The following GPAM variants were observed in gnomAD, a reference collection of about 807,000 sequenced individuals.
GPAM encodes the protein glycerol-3-phosphate acyltransferase 1, mitochondrial.
Under a neutral mutation model 105.0 loss-of-function variants are expected in GPAM, and 56 were observed. That is an observed-to-expected ratio of 0.53 (90% confidence interval 0.43 to 0.67). GPAM has a LOEUF of 0.67. Ranked by LOEUF, GPAM falls within the 30% of genes least tolerant of loss-of-function variation. GPAM has a pLI of 0.00. For synonymous variants in GPAM, 368 were observed against 354.4 expected, an observed-to-expected ratio of 1.04 and a Z score of -0.43; for missense variants, 855 against 989.8, an observed-to-expected ratio of 0.86 and a Z score of 1.83.
At chr10:112,187,355 G>C (rs905390967), upstream of GPAM, among the ~76,000 whole-genome samples, 1 of 152,034 alleles carries the variant, frequency 6.6e-6, no homozygotes, top group Admixed American at 6.6e-5. Context: ...ACAAGTAAAA[G>C]TAAAAGGTTA....
In GPAM at chr10:112,158,274, G is replaced by C; in HGVS notation, c.1980+42C>G. On this transcript the variant is annotated intron_variant, in intron 18 of 21. Transcript: ENST00000348367. ...GTTGTAGAAAAGGTAAGGGAATGAA[G>C]AGTAAGTATAAAGACAAATAAAGGA... The C allele has an allele frequency of 2.7e-6, 3 of 1,113,648 alleles. 1 individual carries two copies. The South Asian group carries it at 3.7e-5, about 14-fold the overall frequency. 69.0% of individuals were successfully genotyped at this position (1,113,648 alleles called of 1,614,324 possible). A position where few individuals can be genotyped will look rare whatever the true frequency, so the allele number is the denominator to read the frequency against.
intron 6 of GPAM, among the ~76,000 whole-genome samples, chr10:112,175,331 C>T (rs1589593462): frequency 6.6e-6 from 1 of 152,208 alleles, no homozygotes; most frequent in Non-Finnish European, 1.5e-5. Flanking sequence ...CATCTCTGAA[C>T]TCTTATTTGC....
At chr10:112,222,651 T>C in the GPAM span, among the ~76,000 whole-genome samples, 4 of 152,214 alleles carry the variant, frequency 2.6e-5, no homozygotes, top group African/African-American at 9.6e-5. Flanking sequence ...CACACATTGT[T>C]CCTGATAACT....
At chr10:112,157,512 TCA>T in intron 18 of GPAM, 123 bp from the exon 19 acceptor site, 1 of 853,886 alleles carries the variant, frequency 1.2e-6, no homozygotes. Context: ...GTTTAGCCAC[TCA>T]TAATGTCAGT....
chr10:112,151,043 CCT>C lies in GPAM; in HGVS notation c.*2505_*2506del. 1.0e-6 allele frequency: 1 copy of C among 985,576 alleles called. No homozygotes were observed. The highest frequency in any genetic ancestry group is 4.7e-5 in the South Asian group (1 of 21,282). The allele number at this position is 985,576 out of a possible 1,614,324, so 61.1% of individuals were successfully genotyped here. ...CATTTTCAGAGTGCACAACTTCCCTCCTCTCTTCTGAATCACTTAGGACATTC... is the reference window on the plus strand; with the variant it reads ...CATTTTCAGAGTGCACAACTTCCCTCCTCTTCTGAATCACTTAGGACATTC... On this transcript the variant is annotated 3_prime_UTR_variant, in exon 22 of 22. Transcript: ENST00000348367.
At chr10:112,180,737 G>C in intron 3 of GPAM, 142 bp from the exon 4 acceptor site, 1 of 734,214 alleles carries the variant, frequency 1.4e-6, no homozygotes, top group Non-Finnish European at 2.3e-6. Flanking sequence ...CTCCCTCCAT[G>C]ATCAACACTT....
rs149303913 is a variant in GPAM, at chr10:112,174,040, T to A, written c.414-195A>T. On this transcript the variant is annotated intron_variant, in intron 6 of 21. Coordinates refer to ENST00000348367, the MANE Select transcript of GPAM (RefSeq NM_001244949.2). ...TTAAATATTAAGAATACTATATTCC[T>A]AAATCAATGAATCTCTGAGGAATCT... Among the ~76,000 whole-genome samples the A allele has an allele frequency of 7.2e-4, 109 of 152,304 alleles. 1 individual carries two copies. Among genetic ancestry groups the A allele is most frequent in the African/African-American group, 2.5e-3 (106 of 41,572 alleles).
chr10:112,180,454 T>C lies in GPAM; in HGVS notation c.225+19A>G, dbSNP rs1468481120. 1 of 1,612,512 alleles carries C rather than the reference T, an allele frequency of 6.2e-7. No homozygotes were observed. Among genetic ancestry groups the C allele is most frequent in the Non-Finnish European group, 8.5e-7 (1 of 1,178,670 alleles). Reference sequence around the variant, plus strand: ...ATTTTATGCTGAGTATTAGGGTCAATAAGCAGTAAGGTTCTTACCCAGCTC... The same window carrying C: ...ATTTTATGCTGAGTATTAGGGTCAACAAGCAGTAAGGTTCTTACCCAGCTC... On this transcript the variant is annotated intron_variant, in intron 4 of 21. Transcript: ENST00000348367.
chr10:112,181,768 A>T lies in GPAM; in HGVS notation c.17T>A (p.Leu6Gln), dbSNP rs1847512592. Residue 6 changes from leucine (L) to glutamine (Q), a missense_variant, in exon 3 of 22, where the codon CTG becomes CAG. Transcript: ENST00000348367. MDESA[L>Q]TLGTIDVSYL... ...AGAAACATCTATTGTACCAAGGGTC[A>T]GTGCAGATTCATCCATGTCACAAAG... The T allele has an allele frequency of 6.3e-7, 1 of 1,598,630 alleles. No homozygotes were observed. The highest frequency in any genetic ancestry group is 1.3e-5 in the African/African-American group (1 of 74,594).
At chr10:112,166,038 A>G (rs902142611) in intron 12 of GPAM, among the ~76,000 whole-genome samples, 2 of 152,182 alleles carry the variant, frequency 1.3e-5, no homozygotes, top group Non-Finnish European at 2.9e-5. Flanking sequence ...CTTCTCTTTT[A>G]GTTATTTTGA....
intron 1 of GPAM, among the ~76,000 whole-genome samples, chr10:112,191,813 G>A (rs981920253): frequency 2.0e-5 from 3 of 152,198 alleles, no homozygotes; most frequent in Non-Finnish European, 2.9e-5. Flanking sequence ...GCATTGAGAA[G>A]GGACAGGACT....
At chr10:112,197,822 C>CT (rs1460972614) in intron 1 of GPAM, among the ~76,000 whole-genome samples, 1 of 151,770 alleles carries the variant, frequency 6.6e-6, no homozygotes, top group Non-Finnish European at 1.5e-5. Context: ...TGAACTCATC[C>CT]TTTTTTATGG....
At chr10:112,166,602 A>G in intron 11 of GPAM, 87 bp from the exon 12 acceptor site, 1 of 816,732 alleles carries the variant, frequency 1.2e-6, no homozygotes, top group Admixed American at 1.7e-5. Flanking sequence ...AACTTGTTTT[A>G]TGGAAACTGT....
intron 1 of GPAM, among the ~76,000 whole-genome samples, chr10:112,201,383 C>A (rs1847795549): frequency 6.6e-6 from 1 of 152,200 alleles, no homozygotes. Flanking sequence ...AGCTTGCATC[C>A]CTGCCTCTGA....
rs1846910833 is a variant in GPAM, at chr10:112,151,174, A to T, written c.*2376T>A. 1.0e-6 allele frequency: 1 copy of T among 982,196 alleles called. No homozygotes were observed. The highest frequency in any genetic ancestry group is 1.7e-5 in the African/African-American group (1 of 57,240). The allele number at this position is 982,196 out of a possible 1,614,324, so 60.8% of individuals were successfully genotyped here. A position where few individuals can be genotyped will look rare whatever the true frequency, so the allele number is the denominator to read the frequency against. On this transcript the variant is annotated 3_prime_UTR_variant, in exon 22 of 22. Coordinates refer to ENST00000348367, the MANE Select transcript of GPAM (RefSeq NM_001244949.2). Reference sequence around the variant, plus strand: ...AAGAAGGGCATGCATTTCATGTTACAGAAATGCGATAGAGTAAACTGTAAT... The same window carrying T: ...AAGAAGGGCATGCATTTCATGTTACTGAAATGCGATAGAGTAAACTGTAAT...
At chr10:112,183,339 C>A (rs1847542101) in intron 1 of GPAM, among the ~76,000 whole-genome samples, 1 of 152,242 alleles carries the variant, frequency 6.6e-6, no homozygotes, top group South Asian at 2.1e-4. Context: ...TCCAGCATAC[C>A]GGCTGCTCTC....
upstream of GPAM, among the ~76,000 whole-genome samples, chr10:112,186,840 C>T (rs1034890928): frequency 2.0e-5 from 3 of 152,270 alleles, no homozygotes; most frequent in African/African-American, 7.2e-5. Context: ...AGTGAGCCAC[C>T]ATGTCAGCCA....
At chr10:112,208,184 C>G (rs1401090009) in intron 1 of GPAM, among the ~76,000 whole-genome samples, 1 of 152,108 alleles carries the variant, frequency 6.6e-6, no homozygotes, top group Non-Finnish European at 1.5e-5. Flanking sequence ...ATAGAGAACC[C>G]CCAAGATTCG....
intron 14 of GPAM, 25 bp from the exon 15 acceptor site, chr10:112,161,762 T>C: frequency 1.9e-6 from 3 of 1,596,942 alleles, no homozygotes; most frequent in Non-Finnish European, 2.6e-6. Flanking sequence ...CAAAGCTTTT[T>C]TTAGTTGCAC....
Sources: allele counts gnomAD v4.1 joint callset (sites outside exome capture counted in the v4.1 genomes callset), GRCh38; gene constraint gnomAD v4.1.1; transcripts MANE v1.5; gene names NCBI Gene and HGNC (gene_info 2026-07-23, HGNC 2026-07-21).